The following SLMAP variants were observed in gnomAD, a reference collection of about 807,000 sequenced individuals.
The protein encoded by SLMAP is sarcolemmal membrane-associated protein.
A neutral mutation model predicts 128.8 loss-of-function variants in SLMAP; 44 were observed. The ratio of observed to expected loss-of-function variants is 0.34; its 90% confidence interval spans 0.27 to 0.44. SLMAP has a LOEUF of 0.44. Among genes scored for constraint, SLMAP ranks in the 20% least tolerant of loss-of-function variants. The pLI is 1.00. For synonymous variants in SLMAP, 327 were observed against 348.8 expected, an observed-to-expected ratio of 0.94 and a Z score of 0.70; for missense variants, 787 against 985.3, an observed-to-expected ratio of 0.80 and a Z score of 2.69.
chr3:57,881,741 G>C (rs2095750192), intron 14 of SLMAP, among the ~76,000 whole-genome samples: 1 of 152,116 alleles, frequency 6.6e-6, no homozygotes, highest in Non-Finnish European at 1.5e-5. Flanking sequence ...GGCATGAGCT[G>C]CTGCACCCGG....
At chr3:57,865,169 C>A in intron 12 of SLMAP, 73 bp from the exon 13 acceptor site, 1 of 773,678 alleles carries the variant, frequency 1.3e-6, no homozygotes, top group South Asian at 2.0e-5. Context: ...TGCAGAATGC[C>A]ATGGTTACAC....
chr3:57,868,824 AAT>A (rs1423339041), intron 13 of SLMAP, among the ~76,000 whole-genome samples: 11 of 137,562 alleles, frequency 8.0e-5, no homozygotes, highest in Non-Finnish European at 1.4e-4. Flanking sequence ...ATATATATAA[AAT>A]ATATATATGT....
intron 14 of SLMAP, among the ~76,000 whole-genome samples, chr3:57,875,408 A>G (rs760513811): frequency 1.4e-4 from 21 of 152,150 alleles, no homozygotes; most frequent in Non-Finnish European, 2.8e-4. Flanking sequence ...CCAGCTACTC[A>G]GGAGTCTGAA....
At chr3:57,780,103 A>G (rs1012518345) in intron 2 of SLMAP, among the ~76,000 whole-genome samples, 2 of 152,050 alleles carry the variant, frequency 1.3e-5, no homozygotes, top group Non-Finnish European at 2.9e-5. Context: ...TTAGGACATC[A>G]ACACTATTAA....
Position 57,756,349 on chromosome 3 carries a change from T to G in SLMAP, c.-1105+7T>G, listed in dbSNP as rs2077685020. On this transcript the variant is annotated splice_region_variant and intron_variant, in intron 1 of 24. Coordinates refer to ENST00000671191, the MANE Select transcript of SLMAP (RefSeq NM_001377540.1). ...GGCGGCCGGCGCTGGCAAGGTAAGC[T>G]GAGGCGGTGGTGGCGGCTAGGGAGG... 3 of 153,552 alleles carry G rather than the reference T, an allele frequency of 2.0e-5. No individual in the cohort carries two copies. Among genetic ancestry groups the G allele is most frequent in the African/African-American group, 7.2e-5 (3 of 41,580 alleles). The allele number at this position is 153,552 out of a possible 1,614,324, so 9.5% of individuals were successfully genotyped here.
intron 13 of SLMAP, among the ~76,000 whole-genome samples, chr3:57,868,427 A>T (rs1051571327): frequency 2.2e-4 from 34 of 151,318 alleles, no homozygotes; most frequent in Non-Finnish European, 3.5e-4. Context: ...AGAAAAAAAA[A>T]ATTTTTTTTT....
intron 2 of SLMAP, among the ~76,000 whole-genome samples, chr3:57,809,835 T>G (rs2090614010): frequency 6.6e-6 from 1 of 152,234 alleles, no homozygotes; most frequent in South Asian, 2.1e-4. Context: ...TGAGCTACTC[T>G]GTCACTCAGT....
intron 17 of SLMAP, among the ~76,000 whole-genome samples, chr3:57,905,894 G>A (rs753239097): frequency 6.6e-6 from 1 of 151,978 alleles, no homozygotes; most frequent in Admixed American, 6.6e-5. Context: ...CCACAGCAAA[G>A]AATTTATTCA....
At chr3:57,799,792 A>C (rs2087751836) in intron 2 of SLMAP, among the ~76,000 whole-genome samples, 1 of 152,170 alleles carries the variant, frequency 6.6e-6, no homozygotes, top group Non-Finnish European at 1.5e-5. Context: ...TAGTACAAAC[A>C]TATTCGCGAG....
intron 13 of SLMAP, among the ~76,000 whole-genome samples, chr3:57,869,921 C>G (rs1247044397): frequency 6.6e-6 from 1 of 150,958 alleles, no homozygotes; most frequent in Non-Finnish European, 1.5e-5. Flanking sequence ...AATAAAAATC[C>G]ATAGGAAACT....
chr3:57,856,033 A>C (rs2094769469), intron 6 of SLMAP, among the ~76,000 whole-genome samples: 1 of 150,878 alleles, frequency 6.6e-6, no homozygotes, highest in African/African-American at 2.4e-5. Context: ...ACAGAGAGAG[A>C]CTTCGTCTCA....
chr3:57,908,417 T>C (rs1234327863), intron 18 of SLMAP, among the ~76,000 whole-genome samples: 2 of 152,212 alleles, frequency 1.3e-5, no homozygotes, highest in Non-Finnish European at 2.9e-5. Context: ...AGAGCTTACA[T>C]TTCTGTATCA....
At chr3:57,840,998 T>C (rs935828486) in intron 3 of SLMAP, among the ~76,000 whole-genome samples, 1 of 152,160 alleles carries the variant, frequency 6.6e-6, no homozygotes, top group Non-Finnish European at 1.5e-5. Context: ...TGGGGAAAAG[T>C]GTATTTCCCC....
intron 5 of SLMAP, among the ~76,000 whole-genome samples, chr3:57,848,481 G>A (rs188548123): frequency 2.6e-4 from 28 of 109,242 alleles, no homozygotes; most frequent in African/African-American, 8.3e-4. Flanking sequence ...TTTTTTCTTC[G>A]TCCTCCCTCC....
At chr3:57,868,445 G>A (rs1259415179) in intron 13 of SLMAP, among the ~76,000 whole-genome samples, 1 of 151,212 alleles carries the variant, frequency 6.6e-6, no homozygotes, top group East Asian at 1.9e-4. Flanking sequence ...TTTTAAATTA[G>A]TGAGGTGTGG....
chr3:57,856,710 CAATA>C (rs2094808513), intron 6 of SLMAP, among the ~76,000 whole-genome samples: 1 of 151,996 alleles, frequency 6.6e-6, no homozygotes, highest in African/African-American at 2.4e-5. Context: ...CTATAATTAA[CAATA>C]AAAAGTATAG....
chr3:57,804,182 T>C (rs1428595255), intron 2 of SLMAP, among the ~76,000 whole-genome samples: 1 of 152,226 alleles, frequency 6.6e-6, no homozygotes, highest in Non-Finnish European at 1.5e-5. Flanking sequence ...TCATCTTTTT[T>C]CATCTAACAT....
At chr3:57,780,900 C>T (rs188980246) in intron 2 of SLMAP, among the ~76,000 whole-genome samples, 1 of 151,974 alleles carries the variant, frequency 6.6e-6, no homozygotes, top group Non-Finnish European at 1.5e-5. Flanking sequence ...ACCTCAGACT[C>T]CCCAAGTACT....
chr3:57,865,366 A>T (rs925092608), intron 13 of SLMAP, 74 bp downstream of exon 13: 1 of 611,226 alleles, frequency 1.6e-6, no homozygotes, highest in African/African-American at 1.9e-5. Context: ...TAAGGAGTTC[A>T]GGGTTTTAAG....
Sources: allele counts gnomAD v4.1 joint callset (sites outside exome capture counted in the v4.1 genomes callset), GRCh38; gene constraint gnomAD v4.1.1; transcripts MANE v1.5; gene names NCBI Gene and HGNC (gene_info 2026-07-23, HGNC 2026-07-21).